SCN10A: variants seen among roughly 807,000 people sequenced by gnomAD.
SCN10A encodes the protein sodium channel protein type 10 subunit alpha.
In SCN10A, 162 loss-of-function variants were observed where a neutral mutation model predicts 170.7. The observed-to-expected ratio is 0.95, with a 90% CI of 0.84 to 1.08. SCN10A has a LOEUF of 1.08. Among genes scored for constraint, SCN10A ranks in the 50% least tolerant of loss-of-function variants. The pLI is 0.00. For synonymous variants in SCN10A, 985 were observed against 904.6 expected (o/e 1.09, Z -1.59); for missense variants, 2,527 against 2,436.9 (o/e 1.04, Z -0.78).
intron 15 of SCN10A, among the ~76,000 whole-genome samples, chr3:38,736,550 G>T (rs1039865579): frequency 6.6e-6 from 1 of 152,084 alleles, no homozygotes; most frequent in Non-Finnish European, 1.5e-5. Context: ...ATTTCTCACA[G>T]CTCAGGTGCA....
chr3:38,775,642 G>A (rs961017660), intron 4 of SCN10A, among the ~76,000 whole-genome samples: 5 of 152,096 alleles, frequency 3.3e-5, no homozygotes, highest in Non-Finnish European at 7.4e-5. Context: ...AAGTCACTGA[G>A]TCTTTCCCAT....
intron 13 of SCN10A, among the ~76,000 whole-genome samples, chr3:38,742,750 C>T (rs1053919943): frequency 1.3e-5 from 2 of 152,202 alleles, no homozygotes; most frequent in Non-Finnish European, 2.9e-5. Context: ...AAACTGCTGA[C>T]ATTACATATT....
intron 8 of SCN10A, 30 bp downstream of exon 8, chr3:38,760,651 C>T (rs1374103529): frequency 1.3e-6 from 2 of 1,579,020 alleles, no homozygotes; most frequent in Admixed American, 1.7e-5. Context: ...TTGTTGGGCA[C>T]TCGTGCTTTG....
chr3:38,742,229 T>G, intron 14 of SCN10A, 62 bp downstream of exon 14: 4 of 755,478 alleles, frequency 5.3e-6, no homozygotes, highest in Non-Finnish European at 8.6e-6. Context: ...AACTGCACCC[T>G]GCCATCATCC....
intron 18 of SCN10A, 102 bp from the exon 19 acceptor site, chr3:38,723,655 G>T: frequency 7.7e-7 from 1 of 1,305,860 alleles, no homozygotes; most frequent in Non-Finnish European, 1.1e-6. Flanking sequence ...TTGGTGCCTC[G>T]CCAGCTGAGG....
chr3:38,808,548 T>C (rs1467752469), intron 1 of SCN10A, among the ~76,000 whole-genome samples: 1 of 152,180 alleles, frequency 6.6e-6, no homozygotes, highest in Non-Finnish European at 1.5e-5. Flanking sequence ...CATGTAAGTG[T>C]TTGATAAATA....
At chr3:38,736,636 G>A (rs182387080) in intron 15 of SCN10A, among the ~76,000 whole-genome samples, 30 of 152,182 alleles carry the variant, frequency 2.0e-4, no homozygotes, top group Admixed American at 4.6e-4. Flanking sequence ...AAGAGGCAGA[G>A]GGAAAAGGTG....
At chr3:38,773,256 C>G (rs2064030981) in intron 4 of SCN10A, among the ~76,000 whole-genome samples, 1 of 152,038 alleles carries the variant, frequency 6.6e-6, no homozygotes, top group African/African-American at 2.4e-5. Context: ...CACTTGAACC[C>G]AGGAGTTTGA....
intron 15 of SCN10A, among the ~76,000 whole-genome samples, chr3:38,733,856 G>T (rs2126007353): frequency 6.6e-6 from 1 of 152,178 alleles, no homozygotes; most frequent in Non-Finnish European, 1.5e-5. Flanking sequence ...AAGTAGCTGG[G>T]ATTAAAAGTA....
At position 38,755,694 on chromosome 3, in the gene SCN10A, C is replaced by T. The variant is rs182172623; in HGVS notation, c.1461+94G>A. On this transcript the variant is annotated intron_variant, in intron 11 of 27. Coordinates refer to ENST00000449082, the MANE Select transcript of SCN10A (RefSeq NM_006514.4). ...CCTTTTAGGCTCTATGCCTCCAGCT[C>T]TTTCTCTGCCACACACCTCTTCCCA... 2.2e-5 allele frequency: 32 copies of T among 1,468,964 alleles called. No individual in the cohort carries two copies. In the South Asian group the frequency reaches 3.6e-4, roughly 16 times the overall value. The allele number at this position is 1,468,964 out of a possible 1,614,324, so 91.0% of individuals were successfully genotyped here. A position where few individuals can be genotyped will look rare whatever the true frequency, so the allele number is the denominator to read the frequency against.
chr3:38,701,237 G>A (rs1193232457), intron 27 of SCN10A, among the ~76,000 whole-genome samples: 1 of 152,160 alleles, frequency 6.6e-6, no homozygotes, highest in Non-Finnish European at 1.5e-5. Context: ...TACTGGGCCT[G>A]TCATTCAACA....
intron 19 of SCN10A, 148 bp downstream of exon 19, chr3:38,723,282 G>T: frequency 1.1e-6 from 1 of 911,680 alleles, no homozygotes; most frequent in Non-Finnish European, 1.8e-6. Flanking sequence ...GGGCATGTGT[G>T]TCTGATGCGG....
intron 21 of SCN10A, among the ~76,000 whole-genome samples, chr3:38,714,313 T>C (rs1229196244): frequency 6.6e-6 from 1 of 152,214 alleles, no homozygotes; most frequent in Non-Finnish European, 1.5e-5. Flanking sequence ...AAAAACTCAG[T>C]CTCTAACATC....
chr3:38,807,062 A>C (rs537365472), intron 1 of SCN10A, among the ~76,000 whole-genome samples: 8 of 152,280 alleles, frequency 5.3e-5, no homozygotes, highest in Admixed American at 5.2e-4. Flanking sequence ...TTCCTTTCGA[A>C]TTCTTGGAGG....
intron 15 of SCN10A, among the ~76,000 whole-genome samples, chr3:38,737,218 C>A (rs1028347715): frequency 1.3e-5 from 2 of 151,886 alleles, no homozygotes; most frequent in Non-Finnish European, 2.9e-5. Context: ...GATCCGCCTG[C>A]CTCGGCCTCC....
At position 38,712,392 on chromosome 3, in the gene SCN10A, G is replaced by A. The variant is rs748570604; in HGVS notation, c.3858C>T (p.Leu1286=). The A allele has an allele frequency of 9.3e-6, 15 of 1,614,050 alleles. No homozygotes were observed. Among genetic ancestry groups the A allele is most frequent in the East Asian group, 6.7e-5 (3 of 44,902 alleles). ...AGATGAGCCAGAAGATGAGGCAGACGAGGAGGACATTCATGATGGATGGGA... is the reference window on the plus strand; with the variant it reads ...AGATGAGCCAGAAGATGAGGCAGACAAGGAGGACATTCATGATGGATGGGA... The part of the protein sequence containing the change: ...GAIPSIMNVL[L]VCLIFWLIFS... Residue 1286 remains leucine (L), a synonymous_variant, in exon 23 of 28, where the codon CTC becomes CTT. Transcript: ENST00000449082.
chr3:38,807,450 G>A (rs2064411300), intron 1 of SCN10A, among the ~76,000 whole-genome samples: 1 of 152,056 alleles, frequency 6.6e-6, no homozygotes, highest in Non-Finnish European at 1.5e-5. Context: ...TGACCTCCAG[G>A]CTGACAATTC....
intron 8 of SCN10A, among the ~76,000 whole-genome samples, chr3:38,757,906 G>A (rs1016483131): frequency 6.6e-6 from 1 of 152,176 alleles, no homozygotes; most frequent in Non-Finnish European, 1.5e-5. Context: ...AGGATGAGTC[G>A]ATGTCAAGAA....
At chr3:38,708,909 G>T (rs911532263) in intron 25 of SCN10A, among the ~76,000 whole-genome samples, 1 of 152,190 alleles carries the variant, frequency 6.6e-6, no homozygotes, top group Non-Finnish European at 1.5e-5. Flanking sequence ...TACCTCAGGG[G>T]TATGGAAGGC....
Sources: gnomAD v4.1 joint callset for allele counts (sites outside exome capture counted in the v4.1 genomes callset) on GRCh38, gnomAD v4.1.1 for gene constraint, MANE v1.5 for transcripts, NCBI Gene and HGNC (gene_info 2026-07-23, HGNC 2026-07-21) for gene names.